SMAP1: variants seen among roughly 807,000 people sequenced by gnomAD.
SMAP1 encodes the protein small ArfGAP 1.
SMAP1 carries 24 observed loss-of-function variants against 58.5 expected under a neutral mutation model. The ratio of observed to expected loss-of-function variants is 0.41; its 90% CI spans 0.30 to 0.58. SMAP1 has a LOEUF of 0.58. Ranked by LOEUF, SMAP1 falls within the 20% of genes least tolerant of loss-of-function variation. SMAP1 has a pLI of 0.29. For missense variants in SMAP1, 563 were observed against 566.3 expected, an observed-to-expected ratio of 0.99 and a Z score of 0.06; for synonymous variants, 216 against 196.6, an observed-to-expected ratio of 1.10 and a Z score of -0.82.
At chr6:70,672,684 T>C (rs1193991525) in intron 1 of SMAP1, among the ~76,000 whole-genome samples, 1 of 152,030 alleles carries the variant, frequency 6.6e-6, no homozygotes, top group Non-Finnish European at 1.5e-5. Context: ...AATGAATGAA[T>C]GTGTGAATGA....
intron 4 of SMAP1, among the ~76,000 whole-genome samples, chr6:70,777,074 A>T (rs913025699): frequency 6.6e-6 from 1 of 152,250 alleles, no homozygotes; most frequent in Non-Finnish European, 1.5e-5. Flanking sequence ...CATATTATCC[A>T]TAGTGGCTGT....
At chr6:70,671,073 T>C (rs1581971259) in intron 1 of SMAP1, among the ~76,000 whole-genome samples, 1 of 152,246 alleles carries the variant, frequency 6.6e-6, no homozygotes, top group Non-Finnish European at 1.5e-5. Flanking sequence ...TTGTTGGTTA[T>C]TAGTTGGTGG....
At position 70,858,287 on chromosome 6, in the gene SMAP1, CTTTTTTTTT is replaced by C. The variant is rs68188898; in HGVS notation, c.1269+78_1269+86del. 2.1e-3 allele frequency: 621 copies of C among 290,674 alleles called. 4 individuals carry two copies. Among genetic ancestry groups the C allele is most frequent in the African/African-American group, 3.4e-3 (78 of 23,088 alleles). The allele number at this position is 290,674 out of a possible 1,614,324, so 18.0% of individuals were successfully genotyped here. On this transcript the variant is annotated intron_variant, in intron 10 of 10. Transcript: ENST00000370455. The stretch of plus-strand genomic sequence containing the variant: ...ATCAAACCAGATTTATTTTCTAAAT[CTTTTTTTTT>C]TTTTTTTTTTTTTTTTTTTAAGTCT...
At position 70,737,326 on chromosome 6, in the gene SMAP1, T is replaced by C. The variant is rs369197225; in HGVS notation, c.252+4815T>C. ...CTGGCTAAATTTTTTTTTGTATTTTTAGTAGAGACAGGGTTTCGTCATGTT... is the reference window on the plus strand; with the variant it reads ...CTGGCTAAATTTTTTTTTGTATTTTCAGTAGAGACAGGGTTTCGTCATGTT... On this transcript the variant is annotated intron_variant, in intron 2 of 10. Coordinates refer to ENST00000370455, the MANE Select transcript of SMAP1 (RefSeq NM_001044305.3). Among the ~76,000 whole-genome samples, 6 of 152,158 alleles carry C rather than the reference T, an allele frequency of 3.9e-5. No homozygotes were observed. The East Asian group carries it at 1.2e-3, about 29-fold the overall frequency.
intron 10 of SMAP1, chr6:70,858,673 C>G (rs1250969904): frequency 6.4e-6 from 1 of 155,124 alleles, no homozygotes; most frequent in African/African-American, 2.4e-5. Flanking sequence ...AAAATCTAGC[C>G]TCATATTCTC....
chr6:70,764,840 C>T (rs573262851), intron 3 of SMAP1, among the ~76,000 whole-genome samples: 2 of 152,206 alleles, frequency 1.3e-5, no homozygotes, highest in South Asian at 2.1e-4. Flanking sequence ...CACTCCATTG[C>T]CCAGGCTGGA....
intron 4 of SMAP1, among the ~76,000 whole-genome samples, chr6:70,790,083 C>T (rs1355603231): frequency 6.6e-6 from 1 of 152,200 alleles, no homozygotes; most frequent in Admixed American, 6.5e-5. Flanking sequence ...TGAGCTTGGG[C>T]AAAGAGGTCT....
intron 1 of SMAP1, among the ~76,000 whole-genome samples, chr6:70,713,523 G>A (rs1008196153): frequency 6.6e-6 from 1 of 151,956 alleles, no homozygotes; most frequent in Non-Finnish European, 1.5e-5. Flanking sequence ...CCTAGTGGTT[G>A]TTCAATAGTG....
chr6:70,708,495 C>G (rs1582037944), intron 1 of SMAP1, among the ~76,000 whole-genome samples: 2 of 152,166 alleles, frequency 1.3e-5, no homozygotes, highest in East Asian at 3.8e-4. Flanking sequence ...AGAGGAATTG[C>G]TTGGCCTATG....
intron 2 of SMAP1, among the ~76,000 whole-genome samples, chr6:70,743,472 G>A (rs1377198629): frequency 6.6e-6 from 1 of 152,116 alleles, no homozygotes; most frequent in Non-Finnish European, 1.5e-5. Context: ...AAGGTAATTT[G>A]GAGAACTCTG....
intron 6 of SMAP1, among the ~76,000 whole-genome samples, chr6:70,818,880 TATATC>T (rs150843483): frequency 0.02 from 3,065 of 151,790 alleles, 93 homozygotes; most frequent in African/African-American, 0.07. Context: ...TTTTAATTCA[TATATC>T]ATGTCATCCA....
chr6:70,855,521 A>C (rs1169888266), intron 8 of SMAP1, among the ~76,000 whole-genome samples: 1 of 152,210 alleles, frequency 6.6e-6, no homozygotes, highest in Non-Finnish European at 1.5e-5. Context: ...TTTTAGGTTG[A>C]ACAGATACTA....
intron 1 of SMAP1, among the ~76,000 whole-genome samples, chr6:70,673,075 G>A (rs1046196771): frequency 3.3e-5 from 5 of 152,120 alleles, no homozygotes; most frequent in African/African-American, 1.2e-4. Flanking sequence ...TTCACACAAT[G>A]TCAATATATA....
chr6:70,861,819 G>T lies in SMAP1; in HGVS notation c.*1485G>T. 2 of 1,614,042 alleles carry T rather than the reference G, an allele frequency of 1.2e-6. No individual in the cohort carries two copies. Among genetic ancestry groups the T allele is most frequent in the Non-Finnish European group, 1.7e-6 (2 of 1,179,966 alleles). Reference sequence around the variant, plus strand: ...ACACTCGAGGTCGGGCAGCACAAGTGTAATGAATACCTTAGTGCAGTTATT... The same window carrying T: ...ACACTCGAGGTCGGGCAGCACAAGTTTAATGAATACCTTAGTGCAGTTATT... On this transcript the variant is annotated 3_prime_UTR_variant, in exon 11 of 11. Transcript: ENST00000370455.
At chr6:70,788,203 A>C (rs187319699) in intron 4 of SMAP1, among the ~76,000 whole-genome samples, 77 of 150,734 alleles carry the variant, frequency 5.1e-4, no homozygotes, top group African/African-American at 1.6e-3. Context: ...CGCAAGGACA[A>C]GAAACGAAAC....
chr6:70,759,780 G>T, intron 3 of SMAP1: 1 of 333,448 alleles, frequency 3.0e-6, no homozygotes, highest in South Asian at 2.3e-5. Flanking sequence ...GATTTTTATA[G>T]TGAATTGATT....
At chr6:70,730,861 G>A (rs755093727) in intron 1 of SMAP1, among the ~76,000 whole-genome samples, 1 of 152,064 alleles carries the variant, frequency 6.6e-6, no homozygotes, top group Admixed American at 6.5e-5. Context: ...GTACAGTGGC[G>A]GGATCTCGAC....
At chr6:70,725,132 T>C (rs1409531218) in intron 1 of SMAP1, among the ~76,000 whole-genome samples, 1 of 81,438 alleles carries the variant, frequency 1.2e-5, no homozygotes, top group Non-Finnish European at 2.2e-5. Context: ...TTTTTTTTTT[T>C]TTGAGACGGA....
At chr6:70,823,305 C>G (rs1769972724) in intron 6 of SMAP1, among the ~76,000 whole-genome samples, 1 of 152,108 alleles carries the variant, frequency 6.6e-6, no homozygotes, top group Non-Finnish European at 1.5e-5. Context: ...AGGTCTCAGT[C>G]CTTTAATGAG....
Sources: allele counts gnomAD v4.1 joint callset (sites outside exome capture counted in the v4.1 genomes callset), GRCh38; gene constraint gnomAD v4.1.1; transcripts MANE v1.5; gene names NCBI Gene and HGNC (gene_info 2026-07-23, HGNC 2026-07-21).